IL5RA: variants seen among roughly 807,000 people sequenced by gnomAD.
IL5RA encodes interleukin-5 receptor subunit alpha.
IL5RA carries 49 observed loss-of-function variants against 50.0 expected under a neutral mutation model. The observed-to-expected ratio is 0.98, with a 90% CI of 0.78 to 1.24. The LOEUF (loss-of-function observed/expected upper bound fraction) is 1.24. Ranked by LOEUF, IL5RA falls within the 50% of genes most tolerant of loss-of-function variation. The probability of loss-of-function intolerance (pLI) is 0.00; values close to 1 mark genes in which losing one functional copy is unlikely to be tolerated. For synonymous variants in IL5RA, 202 were observed against 174.0 expected (o/e 1.16, Z -1.26); for missense variants, 600 against 500.4 (o/e 1.20, Z -1.90).
chr3:3,105,046 T>C (rs1575012309), intron 2 of IL5RA, 59 bp from the exon 3 acceptor site: 1 of 1,075,458 alleles, frequency 9.3e-7, no homozygotes, highest in South Asian at 1.3e-5. Context: ...GAAAAACTGA[T>C]AGCTGCTTTC....
At chr3:3,097,756 G>C in intron 7 of IL5RA, 114 bp downstream of exon 7, 1 of 1,159,884 alleles carries the variant, frequency 8.6e-7, no homozygotes, top group Non-Finnish European at 1.2e-6. Context: ...ACATGGGTCT[G>C]ATGCTTACTT....
intron 5 of IL5RA, among the ~76,000 whole-genome samples, chr3:3,100,752 C>T (rs925415125): frequency 6.6e-5 from 10 of 152,294 alleles, no homozygotes; most frequent in East Asian, 5.8e-4. Flanking sequence ...AAGCCACATA[C>T]AATAACCCAT....
At chr3:3,087,882 C>T (rs945225740) in intron 9 of IL5RA, among the ~76,000 whole-genome samples, 2 of 152,250 alleles carry the variant, frequency 1.3e-5, no homozygotes, top group East Asian at 1.9e-4. Context: ...CTTCCTATTA[C>T]GTTTATTAAT....
intron 8 of IL5RA, among the ~76,000 whole-genome samples, chr3:3,095,006 C>T (rs1703291330): frequency 1.3e-5 from 2 of 152,134 alleles, no homozygotes; most frequent in African/African-American, 2.4e-5. Context: ...GGATTACAGG[C>T]GTGAGTCACC....
At chr3:3,079,778 G>A (rs1456768549) in intron 9 of IL5RA, among the ~76,000 whole-genome samples, 1 of 152,194 alleles carries the variant, frequency 6.6e-6, no homozygotes, top group Non-Finnish European at 1.5e-5. Context: ...GCTCATGCCT[G>A]TAATCCCAGC....
At chr3:3,095,493 T>C (rs745901614) in intron 7 of IL5RA, 49 bp from the exon 8 acceptor site, 21 of 1,455,360 alleles carry the variant, frequency 1.4e-5, no homozygotes. Flanking sequence ...GAATCAGTGA[T>C]CAAAGCTGAT....
chr3:3,109,366 T>C (rs927621335), intron 1 of IL5RA, among the ~76,000 whole-genome samples: 1 of 152,196 alleles, frequency 6.6e-6, no homozygotes, highest in African/African-American at 2.4e-5. Context: ...TCTCTACTTT[T>C]TGTTGTTGTT....
At chr3:3,086,740 C>G (rs1220467566) in intron 9 of IL5RA, among the ~76,000 whole-genome samples, 6 of 152,236 alleles carry the variant, frequency 3.9e-5, no homozygotes, top group Admixed American at 2.0e-4. Flanking sequence ...GGAGAAGTCA[C>G]TATATCAAAA....
At chr3:3,094,010 A>C (rs1703247630) in intron 8 of IL5RA, among the ~76,000 whole-genome samples, 1 of 152,218 alleles carries the variant, frequency 6.6e-6, no homozygotes, top group Non-Finnish European at 1.5e-5. Flanking sequence ...ATAAACACAT[A>C]ATAAAGCTTG....
At chr3:3,075,846 C>T (rs188452115) in intron 10 of IL5RA, among the ~76,000 whole-genome samples, 254 of 151,948 alleles carry the variant, frequency 1.7e-3, no homozygotes, top group Non-Finnish European at 2.4e-3. Context: ...ATGGTCCACC[C>T]GCTGTGGCCT....
chr3:3,102,899 A>T (rs1703722813), intron 3 of IL5RA, 79 bp from the exon 4 acceptor site: 1 of 1,223,462 alleles, frequency 8.2e-7, no homozygotes, highest in Non-Finnish European at 1.1e-6. Context: ...TCGAATATTT[A>T]TTGCCCTGCA....
intron 2 of IL5RA, among the ~76,000 whole-genome samples, chr3:3,107,816 A>T (rs527509487): frequency 7.2e-5 from 11 of 152,150 alleles, no homozygotes; most frequent in Non-Finnish European, 1.3e-4. Context: ...CCTTCCCTAT[A>T]GGTGTTTCTA....
rs1559871178 is a variant in IL5RA, at chr3:3,092,357, T to C, written c.861A>G (p.Glu287=). The stretch of plus-strand genomic sequence containing the variant: ...AGATGAATGCATTGGTCATCAATTT[T>C]TCTATCTAAGTGGGGAAAGATAGCA... ...HNTRNGYLQI[E]KLMTNAFISI... is the part of the protein sequence containing the mutation. The change falls in exon 9 of 12, where the codon GAA becomes GAG. Residue 287 remains glutamate, a synonymous_variant. Coordinates refer to ENST00000446632, the MANE Select transcript of IL5RA (RefSeq NM_175726.4). The surrounding 1 kb of genome is among the most constrained non-coding windows in gnomAD (Gnocchi z 4.2). 1 of 1,613,098 alleles carries C rather than the reference T, an allele frequency of 6.2e-7. No homozygotes were observed. Among genetic ancestry groups the C allele is most frequent in the African/African-American group, 1.3e-5 (1 of 75,060 alleles).
chr3:3,090,048 T>C, intron 9 of IL5RA: 1 of 610,932 alleles, frequency 1.6e-6, no homozygotes, highest in South Asian at 2.0e-5. Flanking sequence ...CCCTGCCACT[T>C]GTTGGCCATG....
At chr3:3,075,776 A>G (rs1001061740) in intron 10 of IL5RA, among the ~76,000 whole-genome samples, 1 of 151,462 alleles carries the variant, frequency 6.6e-6, no homozygotes, top group Non-Finnish European at 1.5e-5. Flanking sequence ...AATTTTTTGT[A>G]TTTTTAGTAG....
chr3:3,070,024 C>T lies in IL5RA; in HGVS notation c.*201G>A. Reference sequence around the variant, plus strand: ...CAAAATGCTTGGATGAGTCAACTTCCCTGCTGTAGGTGAGGCGATTTGGAT... The same window carrying T: ...CAAAATGCTTGGATGAGTCAACTTCTCTGCTGTAGGTGAGGCGATTTGGAT... On this transcript the variant is annotated 3_prime_UTR_variant, in exon 12 of 12. Transcript: ENST00000446632. 1 of 508,238 alleles carries T rather than the reference C, an allele frequency of 2.0e-6. No homozygotes were observed. The highest frequency in any genetic ancestry group is 3.5e-6 in the Non-Finnish European group (1 of 282,814). The allele number at this position is 508,238 out of a possible 1,614,324, so 31.5% of individuals were successfully genotyped here.
chr3:3,084,234 A>G (rs1702771713), intron 9 of IL5RA, among the ~76,000 whole-genome samples: 1 of 152,182 alleles, frequency 6.6e-6, no homozygotes, highest in Non-Finnish European at 1.5e-5. Context: ...AATAAATATT[A>G]CTTACTATAA....
chr3:3,095,425 C>T lies in IL5RA; in HGVS notation c.729G>A (p.Leu243=). Residue 243 remains leucine, a synonymous_variant, in exon 8 of 12, where the codon CTG becomes CTA. Coordinates refer to ENST00000446632, the MANE Select transcript of IL5RA (RefSeq NM_175726.4). ...TTCCTTCAATCTCTGCTGTGACATT[C>T]AGTGGAGGATTTATTTGATCTAAGT... ...LHAIDQINPP[L]NVTAEIEGTR... 6.2e-7 allele frequency: 1 copy of T among 1,610,986 alleles called. No individual in the cohort carries two copies. Among genetic ancestry groups the T allele is most frequent in the Non-Finnish European group, 8.5e-7 (1 of 1,179,094 alleles).
intron 5 of IL5RA, among the ~76,000 whole-genome samples, chr3:3,100,813 C>T (rs949576390): frequency 1.3e-5 from 2 of 151,960 alleles, no homozygotes; most frequent in African/African-American, 4.8e-5. Context: ...TGGGATCAAG[C>T]CCATGCAAAT....
Sources: allele counts gnomAD v4.1 joint callset (sites outside exome capture counted in the v4.1 genomes callset), GRCh38; gene constraint gnomAD v4.1.1; non-coding constraint Gnocchi (gnomAD v3.1); transcripts MANE v1.5; gene names NCBI Gene and HGNC (gene_info 2026-07-23, HGNC 2026-07-21).